TTC34: variants seen among roughly 807,000 people sequenced by gnomAD.
The protein encoded by TTC34 is tetratricopeptide repeat domain 34.
In TTC34, 44 loss-of-function variants were observed where a neutral mutation model predicts 40.7. That is an observed-to-expected ratio of 1.08 (90% confidence interval 0.85 to 1.39). TTC34 has a LOEUF of 1.39. Among genes scored for constraint, TTC34 ranks in the 40% most tolerant of loss-of-function variants. The pLI, the probability that TTC34 is intolerant of heterozygous loss-of-function variation, is 0.00. For missense variants in TTC34, 884 were observed against 838.0 expected (o/e 1.05, Z -0.68); for synonymous variants, 422 against 398.6 (o/e 1.06, Z -0.70).
chr1:2,692,650 G>A (rs547658109), intron 6 of TTC34, among the ~76,000 whole-genome samples: 25 of 141,074 alleles, frequency 1.8e-4, no homozygotes, highest in African/African-American at 7.0e-4. Flanking sequence ...TGACATCGTG[G>A]AGCAGCACCC....
At chr1:2,637,106 G>A (rs998369897) in exon 9 of TTC34, 2 of 152,114 alleles carry the variant, frequency 1.3e-5, no homozygotes, top group African/African-American at 4.8e-5. Flanking sequence ...CTGGGTCCGG[G>A]GCATTTATGG....
In TTC34 at chr1:2,778,110, C is replaced by G. The variant is rs148506949; in HGVS notation, c.2226+5499G>C. ...CTGCCAGTGGGAAACTTGGGGGAAA[C>G]TTGGTGCCCTGGTCCAGCAGCCTGC... On this transcript the variant is annotated intron_variant, in intron 6 of 8. Transcript: ENST00000401095. Among the ~76,000 whole-genome samples, 1,053 of 152,324 alleles carry G rather than the reference C, an allele frequency of 6.9e-3. 12 individuals carry two copies. Among genetic ancestry groups the G allele is most frequent in the African/African-American group, 0.024 (988 of 41,578 alleles).
chr1:2,752,518 A>C (rs1451310584), intron 6 of TTC34, among the ~76,000 whole-genome samples: 4 of 135,236 alleles, frequency 3.0e-5, no homozygotes, highest in African/African-American at 5.9e-5. Flanking sequence ...GACAGCCTGG[A>C]GCAGCACCCA....
intron 6 of TTC34, among the ~76,000 whole-genome samples, chr1:2,683,182 A>C (rs1211239285): frequency 1.4e-4 from 14 of 100,148 alleles, no homozygotes; most frequent in Admixed American, 4.2e-4. Flanking sequence ...CCTGGAGCGG[A>C]ACCCACGGCC....
intron 6 of TTC34, among the ~76,000 whole-genome samples, chr1:2,750,179 T>A: frequency 6.6e-6 from 1 of 151,950 alleles, no homozygotes; most frequent in African/African-American, 2.4e-5. Context: ...GGCGAGCATC[T>A]GACAGCCTGG....
chr1:2,645,616 G>C lies in TTC34; in HGVS notation c.2227-53C>G. ...AGAGTTGTCCTAAGTAGAGAAACTGGGCAGAGGGTCAGAGTAGGAGGACTG... is the reference window on the plus strand; with the variant it reads ...AGAGTTGTCCTAAGTAGAGAAACTGCGCAGAGGGTCAGAGTAGGAGGACTG... On this transcript the variant is annotated intron_variant, in intron 6 of 8. Coordinates refer to ENST00000401095, the Ensembl canonical transcript of TTC34. This position sits in a 1 kb window ranked among gnomAD's most constrained non-coding sequence, Gnocchi z 4.7. The C allele has an allele frequency of 2.8e-6, 4 of 1,430,050 alleles. No homozygotes were observed. The highest frequency in any genetic ancestry group is 3.7e-6 in the Non-Finnish European group (4 of 1,092,188). The allele number at this position is 1,430,050 out of a possible 1,614,324, so 88.6% of individuals were successfully genotyped here. A position where few individuals can be genotyped will look rare whatever the true frequency, so the allele number is the denominator to read the frequency against.
intron 6 of TTC34, among the ~76,000 whole-genome samples, chr1:2,686,587 G>C (rs917891998): frequency 6.7e-6 from 1 of 149,792 alleles, no homozygotes; most frequent in Admixed American, 6.6e-5. Context: ...TGACCGCCTG[G>C]AACAGCACAC....
chr1:2,700,171 C>A (rs1391881708), intron 6 of TTC34, among the ~76,000 whole-genome samples: 1 of 95,528 alleles, frequency 1.0e-5, no homozygotes, highest in Admixed American at 1.2e-4. Context: ...ATCACATACT[C>A]CCCCAGGTGA....
intron 6 of TTC34, among the ~76,000 whole-genome samples, chr1:2,772,973 C>T (rs1295257696): frequency 3.0e-5 from 4 of 134,408 alleles, no homozygotes; most frequent in African/African-American, 1.1e-4. Context: ...GAGCAGCATG[C>T]ACACCCCCAG....
chr1:2,750,605 C>T (rs1641285880), intron 6 of TTC34, among the ~76,000 whole-genome samples: 16 of 146,656 alleles, frequency 1.1e-4, no homozygotes, highest in East Asian at 6.0e-4. Context: ...GCACCCCACA[C>T]CCACAGGTGA....
chr1:2,688,200 ACCC>A (rs112764009), intron 6 of TTC34, among the ~76,000 whole-genome samples: 1 of 72,022 alleles, frequency 1.4e-5, no homozygotes, highest in African/African-American at 4.1e-5. Flanking sequence ...CTGGAGCAGC[ACCC>A]CACACCCCCA....
chr1:2,759,951 G>GT (rs1641640454), intron 6 of TTC34, among the ~76,000 whole-genome samples: 1 of 75,568 alleles, frequency 1.3e-5, no homozygotes, highest in Non-Finnish European at 2.7e-5. Flanking sequence ...AGCCTGGAAA[G>GT]GCACCCACAC....
At chr1:2,683,870 A>G (rs1399594243) in intron 6 of TTC34, among the ~76,000 whole-genome samples, 5 of 151,038 alleles carry the variant, frequency 3.3e-5, no homozygotes, top group African/African-American at 1.2e-4. Flanking sequence ...AGCAGAACCC[A>G]CACCCCGAGG....
At chr1:2,640,128 A>C (rs1638872334) in exon 9 of TTC34, 1 of 152,456 alleles carries the variant, frequency 6.6e-6, no homozygotes, top group African/African-American at 2.4e-5. Flanking sequence ...AGTGCCCAGG[A>C]GGAGAGAGAA....
At chr1:2,686,783 G>A (rs1438611608) in intron 6 of TTC34, among the ~76,000 whole-genome samples, 12 of 119,396 alleles carry the variant, frequency 1.0e-4, no homozygotes, top group Non-Finnish European at 1.6e-4. Flanking sequence ...GCATGTGACA[G>A]CCTGGATCAG....
At chr1:2,782,981 C>G (rs1230359985) in intron 6 of TTC34, among the ~76,000 whole-genome samples, 1 of 152,216 alleles carries the variant, frequency 6.6e-6, no homozygotes, top group Non-Finnish European at 1.5e-5. Context: ...GAACAGAAAC[C>G]ATCTTCCAGC....
At chr1:2,788,512 C>T (rs548995752) in intron 3 of TTC34, among the ~76,000 whole-genome samples, 1 of 152,256 alleles carries the variant, frequency 6.6e-6, no homozygotes, top group East Asian at 1.9e-4. Flanking sequence ...GGACTCAGTG[C>T]TTTTAACTTT....
intron 6 of TTC34, chr1:2,775,145 A>C (rs1447230219): frequency 1.9e-5 from 2 of 105,420 alleles, no homozygotes; most frequent in African/African-American, 4.1e-5. Flanking sequence ...ACAGAACCCC[A>C]CTCTTCCAGG....
chr1:2,688,863 G>A (rs111576506), intron 6 of TTC34, among the ~76,000 whole-genome samples: 13 of 76,496 alleles, frequency 1.7e-4, no homozygotes, highest in East Asian at 1.4e-3. Context: ...CCCCAGGTGC[G>A]CACGTGACAG....
Sources: allele counts gnomAD v4.1 joint callset (sites outside exome capture counted in the v4.1 genomes callset), GRCh38; gene constraint gnomAD v4.1.1; non-coding constraint Gnocchi (gnomAD v3.1); transcripts MANE v1.5; gene names NCBI Gene and HGNC (gene_info 2026-07-23, HGNC 2026-07-21).